The following FBXO42 variants were observed in gnomAD, a reference collection of about 807,000 sequenced individuals.
FBXO42 encodes F-box only protein 42.
FBXO42 carries 12 observed loss-of-function variants against 71.7 expected under a neutral mutation model. That is an observed-to-expected ratio of 0.17 (90% CI 0.11 to 0.27). The LOEUF is 0.27. FBXO42 is among the 10% of genes least tolerant of loss of function. FBXO42 has a pLI of 1.00. For synonymous variants in FBXO42, 325 were observed against 327.5 expected (o/e 0.99, Z 0.08); for missense variants, 707 against 911.9 (o/e 0.78, Z 2.89).
At chr1:16,311,143 A>G (rs1281365448) in intron 2 of FBXO42, among the ~76,000 whole-genome samples, 1 of 127,282 alleles carries the variant, frequency 7.9e-6, no homozygotes. Flanking sequence ...GCGCCCCTGC[A>G]CTCCAGCCTG....
In FBXO42 at chr1:16,279,108, G is replaced by T. The variant is rs116200970; in HGVS notation, c.502+15675C>A. ...TTATTTCTGAACAGTTCTAGCACTG[G>T]TCGTGCTCCCTATCCAATTTTTAAG... On this transcript the variant is annotated intron_variant, in intron 4 of 9. Transcript: ENST00000375592. Among the ~76,000 whole-genome samples, 1,134 of 152,216 alleles carry T rather than the reference G, an allele frequency of 7.4e-3. 10 individuals are homozygous for T. The highest frequency in any genetic ancestry group is 0.026 in the African/African-American group (1,080 of 41,544).
At chr1:16,253,026 G>A (rs2081607731) in intron 8 of FBXO42, 70 bp downstream of exon 8, 6 of 1,360,280 alleles carry the variant, frequency 4.4e-6, no homozygotes, top group South Asian at 1.2e-5. Context: ...TCCTAGAAAA[G>A]AAGACAGGGG....
At chr1:16,261,576 C>T (rs1337298413) in intron 4 of FBXO42, among the ~76,000 whole-genome samples, 1 of 151,992 alleles carries the variant, frequency 6.6e-6, no homozygotes, top group Non-Finnish European at 1.5e-5. Context: ...AATTGTATAC[C>T]CCCACCTCAA....
chr1:16,251,736 G>A lies in FBXO42; in HGVS notation c.1088C>T (p.Pro363Leu). Residue 363 changes from proline (P) to leucine (L), a missense_variant, in exon 10 of 10, where the codon CCA (proline) becomes CTA (leucine). Pro to Leu is a moderately conservative substitution (Grantham distance 98). Coordinates refer to ENST00000375592, the MANE Select transcript of FBXO42 (RefSeq NM_018994.3). The surrounding 1 kb of genome is among the most constrained non-coding windows in gnomAD (Gnocchi z 4.5). ...VFSQAPSGRA[P>L]LSPSLNSRPS... ...GCGAGAGTTCAAACTGGGGCTGAGT[G>A]GGGCTCTCCCACTAGGAGCCTGGCT... 1 of 1,614,160 alleles carries A rather than the reference G, an allele frequency of 6.2e-7. No individual in the cohort carries two copies. Among genetic ancestry groups the A allele is most frequent in the African/African-American group, 1.3e-5 (1 of 75,052 alleles).
At chr1:16,336,211 T>C (rs186931514) in intron 1 of FBXO42, among the ~76,000 whole-genome samples, 78 of 152,056 alleles carry the variant, frequency 5.1e-4, no homozygotes, top group African/African-American at 1.8e-3. Context: ...GTGTTGGGAT[T>C]ACAGGCATGA....
chr1:16,315,786 T>C (rs1363114204), intron 1 of FBXO42, among the ~76,000 whole-genome samples: 7 of 152,242 alleles, frequency 4.6e-5, no homozygotes, highest in African/African-American at 1.7e-4. Context: ...CCTTGGCCAG[T>C]AACAATGATC....
At chr1:16,350,876 T>C (rs1017963355) in intron 1 of FBXO42, among the ~76,000 whole-genome samples, 1 of 152,124 alleles carries the variant, frequency 6.6e-6, no homozygotes, top group African/African-American at 2.4e-5. Flanking sequence ...TATGGATCAA[T>C]GTAGATTGAA....
chr1:16,321,693 GTTT>G (rs143212893), intron 1 of FBXO42, among the ~76,000 whole-genome samples: 1 of 143,588 alleles, frequency 7.0e-6, no homozygotes, highest in Non-Finnish European at 1.5e-5. Flanking sequence ...GCTCGCAAGG[GTTT>G]TTTTTTTTTT....
chr1:16,326,036 G>GTGTGTGTGTGTGTC (rs936152163), intron 1 of FBXO42, among the ~76,000 whole-genome samples: 1 of 150,706 alleles, frequency 6.6e-6, no homozygotes, highest in Non-Finnish European at 1.5e-5. Context: ...GTGTGTGTGT[G>GTGTGTGTGTGTGTC]TGTGTGTGTG....
At chr1:16,345,024 G>C (rs1261754583) in intron 1 of FBXO42, among the ~76,000 whole-genome samples, 1 of 151,054 alleles carries the variant, frequency 6.6e-6, no homozygotes, top group African/African-American at 2.4e-5. Context: ...ACTTGAACCT[G>C]GGAGGCGGAG....
chr1:16,284,157 A>G (rs1368320697), intron 4 of FBXO42, among the ~76,000 whole-genome samples: 1 of 152,246 alleles, frequency 6.6e-6, no homozygotes, highest in African/African-American at 2.4e-5. Flanking sequence ...AGACAATACT[A>G]GAAGGTGAAA....
At chr1:16,268,775 C>A (rs575384553) in intron 4 of FBXO42, among the ~76,000 whole-genome samples, 196 of 152,150 alleles carry the variant, frequency 1.3e-3, no homozygotes, top group Non-Finnish European at 2.2e-3. Context: ...ATCAGCCTGA[C>A]CAACATGGAG....
intron 4 of FBXO42, among the ~76,000 whole-genome samples, chr1:16,270,674 C>CAAAAAAAAAAAAAAAAAAAAAAAAAA (rs34861558): frequency 6.7e-5 from 1 of 14,904 alleles, no homozygotes; most frequent in Non-Finnish European, 1.2e-4. Flanking sequence ...CTCTGTCTCT[C>CAAAAAAAAAAAAAAAAAAAAAAAAAA]AAAAAAAAAA....
intron 1 of FBXO42, among the ~76,000 whole-genome samples, chr1:16,343,827 AT>A (rs2082629409): frequency 6.6e-6 from 1 of 151,680 alleles, no homozygotes; most frequent in African/African-American, 2.4e-5. Context: ...TCAAAAAAAA[AT>A]ATTGGCCAGG....
intron 1 of FBXO42, among the ~76,000 whole-genome samples, chr1:16,351,388 GGTAAT>G (rs748855165): frequency 5.3e-5 from 8 of 152,276 alleles, no homozygotes; most frequent in South Asian, 2.1e-4. Context: ...AAGTAAAACT[GGTAAT>G]GTGTCAGAAT....
chr1:16,251,538 G>A lies in FBXO42; in HGVS notation c.1286C>T (p.Ser429Phe), dbSNP rs1196290094. The A allele has an allele frequency of 2.2e-5, 35 of 1,614,140 alleles. No individual in the cohort carries two copies. The highest frequency in any genetic ancestry group is 2.9e-5 in the Non-Finnish European group (34 of 1,180,010). The change falls in exon 10 of 10, where the codon TCC becomes TTC. Residue 429 changes from serine to phenylalanine, a missense_variant. Ser to Phe is a radical substitution (Grantham distance 155). Transcript: ENST00000375592. The surrounding 1 kb of genome is among the most constrained non-coding windows in gnomAD (Gnocchi z 4.5). Reference sequence around the variant, plus strand: ...AGGAGAGCCGTCTCCTCTGGCTGGGGAAAGGCTCCCTTCCCGGGAACCTGA... The same window carrying A: ...AGGAGAGCCGTCTCCTCTGGCTGGGAAAAGGCTCCCTTCCCGGGAACCTGA... Reference protein sequence around the residue: ...TPSGSREGSLSPARGDGSPIL... With the variant: ...TPSGSREGSLFPARGDGSPIL...
At chr1:16,259,725 C>T (rs2100442506) in intron 4 of FBXO42, among the ~76,000 whole-genome samples, 1 of 145,590 alleles carries the variant, frequency 6.9e-6, no homozygotes, top group Admixed American at 6.9e-5. Flanking sequence ...GAGATTGAGC[C>T]ACTGCACTCT....
intron 1 of FBXO42, among the ~76,000 whole-genome samples, chr1:16,332,056 A>AAAAAAG: frequency 6.6e-6 from 1 of 152,326 alleles, no homozygotes; most frequent in East Asian, 1.9e-4. Context: ...TCTCCAAAAA[A>AAAAAAG]AAAAAGAAAA....
At chr1:16,309,702 C>A (rs920950229) in intron 2 of FBXO42, among the ~76,000 whole-genome samples, 1 of 151,672 alleles carries the variant, frequency 6.6e-6, no homozygotes, top group Non-Finnish European at 1.5e-5. Context: ...TCAAGACCAG[C>A]CTGGGCAACA....
Sources: gnomAD v4.1 joint callset for allele counts (sites outside exome capture counted in the v4.1 genomes callset) on GRCh38, gnomAD v4.1.1 for gene constraint, Gnocchi (gnomAD v3.1) non-coding constraint, MANE v1.5 for transcripts, NCBI Gene and HGNC (gene_info 2026-07-23, HGNC 2026-07-21) for gene names.